The following HMBOX1 variants were observed in gnomAD, a reference collection of about 807,000 sequenced individuals.
HMBOX1 encodes the protein homeobox-containing protein 1.
HMBOX1 carries 14 observed loss-of-function variants against 54.5 expected under a neutral mutation model. The observed-to-expected ratio is 0.26, with a 90% CI of 0.17 to 0.40. The LOEUF (loss-of-function observed/expected upper bound fraction) is 0.40, where lower values mean the gene tolerates loss of function less well. Ranked by LOEUF, HMBOX1 falls within the 10% of genes least tolerant of loss-of-function variation. The pLI is 1.00. For missense variants in HMBOX1, 332 were observed against 514.4 expected, an observed-to-expected ratio of 0.65 and a Z score of 3.43; for synonymous variants, 160 against 181.0, an observed-to-expected ratio of 0.88 and a Z score of 0.93.
chr8:28,941,641 G>A (rs190574479), intron 1 of HMBOX1, among the ~76,000 whole-genome samples: 1 of 152,204 alleles, frequency 6.6e-6, no homozygotes, highest in African/African-American at 2.4e-5. Context: ...TCCCAGCAGA[G>A]CCTTGAGTAA....
At chr8:28,899,196 G>A (rs1480519815) in intron 1 of HMBOX1, among the ~76,000 whole-genome samples, 4 of 152,158 alleles carry the variant, frequency 2.6e-5, no homozygotes, top group Non-Finnish European at 5.9e-5. Flanking sequence ...GGTAGCCCTG[G>A]ATACATGAAC....
At chr8:28,919,971 T>TTGTG (rs5890431) in intron 1 of HMBOX1, among the ~76,000 whole-genome samples, 240 of 148,992 alleles carry the variant, frequency 1.6e-3, no homozygotes, top group African/African-American at 4.3e-3. Context: ...AAGTGAAGTT[T>TTGTG]TGTGTGTGTG....
chr8:28,927,831 C>CAA (rs34952149), intron 1 of HMBOX1, among the ~76,000 whole-genome samples: 1,803 of 52,380 alleles, frequency 0.034, 144 homozygotes, highest in Non-Finnish European at 0.042. Context: ...AACTCAGTCT[C>CAA]AAAAAAAAAA....
At position 28,957,286 on chromosome 8, in the gene HMBOX1, T is replaced by A. The variant is rs532302110; in HGVS notation, c.-57-6525T>A. ...ATGTGGGTACAGCTGGACTCCATTA[T>A]CCTATGTGAATTAATGCAGAAACAA... is the stretch of plus-strand genomic sequence containing the variant. On this transcript the variant is annotated intron_variant, in intron 1 of 9. Transcript: ENST00000287701. Among the ~76,000 whole-genome samples, 7 of 152,326 alleles carry A rather than the reference T, an allele frequency of 4.6e-5. No individual in the cohort carries two copies. In the South Asian group the frequency reaches 1.5e-3, roughly 32 times the overall value.
intron 4 of HMBOX1, among the ~76,000 whole-genome samples, chr8:28,987,307 TTTGA>T (rs1374490644): frequency 6.6e-6 from 1 of 152,216 alleles, no homozygotes; most frequent in Admixed American, 6.5e-5. Context: ...ACAATGTTTC[TTTGA>T]TTGTTGTGTG....
At chr8:28,986,280 T>A (rs1830151388) in intron 4 of HMBOX1, among the ~76,000 whole-genome samples, 1 of 152,140 alleles carries the variant, frequency 6.6e-6, no homozygotes, top group Non-Finnish European at 1.5e-5. Flanking sequence ...TATATTCCAT[T>A]GTCTGGATGT....
At chr8:28,985,146 G>A (rs936751339) in intron 4 of HMBOX1, among the ~76,000 whole-genome samples, 1 of 152,172 alleles carries the variant, frequency 6.6e-6, no homozygotes, top group African/African-American at 2.4e-5. Flanking sequence ...AAAATACCAT[G>A]AACTGGGTGG....
intron 3 of HMBOX1, among the ~76,000 whole-genome samples, chr8:28,979,848 T>C (rs1829052773): frequency 6.6e-6 from 1 of 152,218 alleles, no homozygotes; most frequent in Non-Finnish European, 1.5e-5. Flanking sequence ...ATTGTGGTCT[T>C]CACTAAAGCG....
intron 1 of HMBOX1, among the ~76,000 whole-genome samples, chr8:28,950,143 A>G (rs887969306): frequency 3.9e-5 from 6 of 152,090 alleles, no homozygotes; most frequent in African/African-American, 9.7e-5. Context: ...TTGACATTCT[A>G]TTTTACCCAG....
At chr8:29,038,083 GTC>G (rs1420671452) in intron 6 of HMBOX1, among the ~76,000 whole-genome samples, 3 of 152,196 alleles carry the variant, frequency 2.0e-5, no homozygotes, top group Non-Finnish European at 2.9e-5. Flanking sequence ...TGGAGAGTCA[GTC>G]TCTGTCTTTT....
At chr8:28,941,163 A>C (rs927913536) in intron 1 of HMBOX1, among the ~76,000 whole-genome samples, 1 of 152,200 alleles carries the variant, frequency 6.6e-6, no homozygotes, top group Non-Finnish European at 1.5e-5. Context: ...TTTCAGCACA[A>C]ACTATCTTTT....
chr8:28,948,087 C>A (rs962428374), intron 1 of HMBOX1, among the ~76,000 whole-genome samples: 3 of 152,118 alleles, frequency 2.0e-5, no homozygotes, highest in Non-Finnish European at 2.9e-5. Context: ...TGTACCAGGC[C>A]TAACCTAACC....
chr8:28,987,375 G>T (rs1236832573), intron 4 of HMBOX1, among the ~76,000 whole-genome samples: 1 of 152,120 alleles, frequency 6.6e-6, no homozygotes, highest in Admixed American at 6.5e-5. Flanking sequence ...TATGTTAATT[G>T]TTAAATATAC....
chr8:28,985,430 T>C (rs1042460266), intron 4 of HMBOX1, among the ~76,000 whole-genome samples: 4 of 152,210 alleles, frequency 2.6e-5, no homozygotes, highest in African/African-American at 9.6e-5. Flanking sequence ...AATTTCAACA[T>C]AGGAATTTTA....
At chr8:28,961,020 C>G (rs1825501627) in intron 1 of HMBOX1, among the ~76,000 whole-genome samples, 1 of 151,756 alleles carries the variant, frequency 6.6e-6, no homozygotes, top group Admixed American at 6.6e-5. Flanking sequence ...CTCTTGACCT[C>G]ATGATCTGTC....
At chr8:28,986,445 A>G (rs551722389) in intron 4 of HMBOX1, among the ~76,000 whole-genome samples, 80 of 152,344 alleles carry the variant, frequency 5.3e-4, no homozygotes, top group African/African-American at 1.8e-3. Flanking sequence ...TTGTCCTATT[A>G]TAATACAACC....
chr8:28,963,067 C>T (rs754287371), intron 1 of HMBOX1, among the ~76,000 whole-genome samples: 22 of 152,066 alleles, frequency 1.4e-4, no homozygotes, highest in African/African-American at 1.9e-4. Flanking sequence ...TCACTGCAAC[C>T]GCCGCCTCCC....
intron 1 of HMBOX1, among the ~76,000 whole-genome samples, chr8:28,957,680 T>C (rs1563466030): frequency 6.6e-6 from 1 of 152,224 alleles, no homozygotes; most frequent in East Asian, 1.9e-4. Context: ...TGGAGTGCAG[T>C]GGTACGATCT....
intron 1 of HMBOX1, among the ~76,000 whole-genome samples, chr8:28,947,204 A>C (rs1226963317): frequency 6.6e-6 from 1 of 152,094 alleles, no homozygotes; most frequent in Non-Finnish European, 1.5e-5. Context: ...CCCTAAAATA[A>C]CTCTCTATAG....
Sources: allele counts gnomAD v4.1 joint callset (sites outside exome capture counted in the v4.1 genomes callset), GRCh38; gene constraint gnomAD v4.1.1; transcripts MANE v1.5; gene names NCBI Gene and HGNC (gene_info 2026-07-23, HGNC 2026-07-21).